KCTD9: variants seen among roughly 807,000 people sequenced by gnomAD.
The protein encoded by KCTD9 is BTB/POZ domain-containing protein KCTD9.
Under a neutral mutation model 53.3 loss-of-function variants are expected in KCTD9, and 17 were observed. The observed-to-expected ratio is 0.32, with a 90% CI of 0.22 to 0.48. The LOEUF is 0.48. Ranked by LOEUF, KCTD9 falls within the 20% of genes least tolerant of loss-of-function variation. KCTD9 has a pLI of 0.99. For missense variants in KCTD9, 179 were observed against 465.5 expected, an observed-to-expected ratio of 0.38 and a Z score of 5.66; for synonymous variants, 128 against 162.7, an observed-to-expected ratio of 0.79 and a Z score of 1.62.
chr8:25,453,265 G>A (rs568242408), intron 1 of KCTD9, among the ~76,000 whole-genome samples: 2 of 152,160 alleles, frequency 1.3e-5, no homozygotes, highest in South Asian at 4.1e-4. Flanking sequence ...GCTGAGGCAG[G>A]AGAATCGCTT....
chr8:25,439,299 T>C lies in KCTD9; in HGVS notation c.479A>G (p.Asn160Ser). ...CTCACCCAATAAATTAATGCCATCA[T>C]TTACAATGAGCTGTCCATGACGCAA... ...NYLRHGQLIV[N>S]DGINLLGVLE... Residue 160 changes from asparagine to serine, a missense_variant, in exon 6 of 12, where the codon AAT becomes AGT. Around this residue, in one of 4 missense-constraint regions of KCTD9, gnomAD observed 115 missense variants for 250.9 expected, o/e 0.46. Transcript: ENST00000221200. The C allele has an allele frequency of 6.3e-7, 1 of 1,599,300 alleles. No individual in the cohort carries two copies. The highest frequency in any genetic ancestry group is 8.5e-7 in the Non-Finnish European group (1 of 1,174,336).
chr8:25,439,122 T>C (rs1297487550), intron 6 of KCTD9, among the ~76,000 whole-genome samples, 157 bp downstream of exon 6: 1 of 152,152 alleles, frequency 6.6e-6, no homozygotes, highest in Non-Finnish European at 1.5e-5. Context: ...CCTATATCAC[T>C]CATATACATG....
intron 11 of KCTD9, among the ~76,000 whole-genome samples, chr8:25,431,144 T>C (rs923662618): frequency 6.6e-6 from 1 of 152,004 alleles, no homozygotes; most frequent in Non-Finnish European, 1.5e-5. Context: ...AAGTAATAAA[T>C]ATTATCAAAA....
intron 3 of KCTD9, among the ~76,000 whole-genome samples, chr8:25,442,208 A>G (rs1802135777): frequency 6.6e-6 from 1 of 152,206 alleles, no homozygotes; most frequent in South Asian, 2.1e-4. Context: ...GATCCATCAC[A>G]TACTGAGAAA....
At chr8:25,436,522 T>A in intron 6 of KCTD9, 37 bp from the exon 7 acceptor site, 1 of 1,218,396 alleles carries the variant, frequency 8.2e-7, no homozygotes, top group Non-Finnish European at 1.2e-6. Flanking sequence ...CAACCTAATT[T>A]AGTGAATGTA....
intron 1 of KCTD9, chr8:25,451,537 T>C (rs998364084): frequency 1.3e-5 from 2 of 152,294 alleles, no homozygotes; most frequent in South Asian, 2.1e-4. Flanking sequence ...CCTTAACAAC[T>C]TAGGCCCTAA....
intron 10 of KCTD9, among the ~76,000 whole-genome samples, chr8:25,432,965 A>G (rs565786632): frequency 1.3e-5 from 2 of 152,336 alleles, no homozygotes; most frequent in East Asian, 3.9e-4. Flanking sequence ...ATTAAGAAAC[A>G]ATACATTAAA....
At chr8:25,456,819 T>A (rs187510291) in intron 1 of KCTD9, among the ~76,000 whole-genome samples, 1 of 152,302 alleles carries the variant, frequency 6.6e-6, no homozygotes, top group African/African-American at 2.4e-5. Context: ...TTTAAATATT[T>A]GTCTTCCATG....
intron 8 of KCTD9, 60 bp downstream of exon 8, chr8:25,436,175 G>A: frequency 9.4e-7 from 1 of 1,069,258 alleles, no homozygotes; most frequent in South Asian, 1.3e-5. Context: ...CTAGAAGAAT[G>A]TAAAATTTTA....
At chr8:25,455,907 A>C (rs1802423494) in intron 1 of KCTD9, among the ~76,000 whole-genome samples, 1 of 152,240 alleles carries the variant, frequency 6.6e-6, no homozygotes, top group Admixed American at 6.5e-5. Flanking sequence ...AGATATAAAC[A>C]AAAGGTATAT....
chr8:25,433,576 T>TA, intron 9 of KCTD9, 141 bp from the exon 10 acceptor site: 1 of 444,446 alleles, frequency 2.2e-6, no homozygotes, highest in Non-Finnish European at 4.0e-6. Context: ...CTGTTTACAA[T>TA]AAAGGCTTTT....
At chr8:25,447,462 GATTT>G (rs1334146044) in intron 1 of KCTD9, among the ~76,000 whole-genome samples, 1 of 152,182 alleles carries the variant, frequency 6.6e-6, no homozygotes, top group African/African-American at 2.4e-5. Flanking sequence ...GACGTCCCAA[GATTT>G]ATTATGTCAA....
chr8:25,428,780 G>A lies in KCTD9; in HGVS notation c.*1077C>T, dbSNP rs991196842. The A allele has an allele frequency of 6.6e-6, 1 of 152,068 alleles. No homozygotes were observed. Among genetic ancestry groups the A allele is most frequent in the Non-Finnish European group, 1.5e-5 (1 of 68,008 alleles). 9.4% of individuals were successfully genotyped at this position (152,068 alleles called of 1,614,324 possible). On this transcript the variant is annotated 3_prime_UTR_variant, in exon 12 of 12. Coordinates refer to ENST00000221200, the MANE Select transcript of KCTD9 (RefSeq NM_017634.4). ...ATTTTTTTGGTGGCTGTAATCAAAT[G>A]TGTGTTTAAAATTCCTCATTCCCCA...
chr8:25,455,198 C>T (rs75450002), intron 1 of KCTD9, among the ~76,000 whole-genome samples: 1 of 151,884 alleles, frequency 6.6e-6, no homozygotes, highest in Non-Finnish European at 1.5e-5. Flanking sequence ...TCACTCCAGC[C>T]TGGGTGGAAG....
rs1802246909 is a variant in KCTD9, at chr8:25,447,987, G to A, written c.49-1737C>T. On this transcript the variant is annotated intron_variant, in intron 1 of 11. Coordinates refer to ENST00000221200, the MANE Select transcript of KCTD9 (RefSeq NM_017634.4). ...ACAAAAAAATACAAAAAGTAGCCAAGCATGGAGGCACATGCCTGTAGTCTT... is the reference window on the plus strand; with the variant it reads ...ACAAAAAAATACAAAAAGTAGCCAAACATGGAGGCACATGCCTGTAGTCTT... 2.0e-5 allele frequency among the ~76,000 whole-genome samples: 3 copies of A among 152,028 alleles called. No homozygotes were observed. The South Asian group carries it at 6.2e-4, about 32-fold the overall frequency.
At chr8:25,453,588 G>T (rs987547266) in intron 1 of KCTD9, among the ~76,000 whole-genome samples, 4 of 151,492 alleles carry the variant, frequency 2.6e-5, no homozygotes, top group Non-Finnish European at 5.9e-5. Context: ...GGGAGGCGGA[G>T]GTTGTATTGA....
rs1218965294 is a variant in KCTD9 at position 25,432,496 on chromosome 8, G to A, written c.1053+8C>T. 3 of 1,609,882 alleles carry A rather than the reference G, an allele frequency of 1.9e-6. No individual in the cohort carries two copies. The highest frequency in any genetic ancestry group is 2.5e-6 in the Non-Finnish European group (3 of 1,178,686). On this transcript the variant is annotated splice_region_variant and intron_variant, in intron 11 of 11. Coordinates refer to ENST00000221200, the MANE Select transcript of KCTD9 (RefSeq NM_017634.4). ...TAATAAAAATTCTTAAAGTGTTGGT[G>A]AACTCACCTCTAAATCAGTTCCTGC...
chr8:25,432,449 G>A, intron 11 of KCTD9, 55 bp downstream of exon 11: 2 of 1,484,362 alleles, frequency 1.3e-6, no homozygotes, highest in South Asian at 2.5e-5. Flanking sequence ...AATTTTGCAT[G>A]AGATGCTTAG....
In KCTD9 at chr8:25,440,649, G is replaced by A; in HGVS notation, c.239C>T (p.Pro80Leu). ...FIDPQTDSKP[P>L]EGLLGFHTDW... ...TGTGTGGAATCCTAACAATCCCTCA[G>A]GAGGCTTAGAATCTGTCTGAGGATC... is the stretch of plus-strand genomic sequence containing the variant. Residue 80 changes from proline to leucine, a missense_variant, in exon 4 of 12, where the codon CCT becomes CTT. By Grantham distance (98) the Pro-to-Leu change is moderately conservative. This residue lies in a region of KCTD9 where 115 missense variants were observed against 250.9 expected (regional missense o/e 0.46). Coordinates refer to ENST00000221200, the MANE Select transcript of KCTD9 (RefSeq NM_017634.4). 1 of 1,610,636 alleles carries A rather than the reference G, an allele frequency of 6.2e-7. No individual in the cohort carries two copies. The highest frequency in any genetic ancestry group is 8.5e-7 in the Non-Finnish European group (1 of 1,176,888).
Sources: gnomAD v4.1 joint callset for allele counts (sites outside exome capture counted in the v4.1 genomes callset) on GRCh38, gnomAD v4.1.1 for gene constraint, gnomAD v4.1.1 regional missense constraint, MANE v1.5 for transcripts, NCBI Gene and HGNC (gene_info 2026-07-23, HGNC 2026-07-21) for gene names.